Variants in CSNK2A2IP observed in about 807,000 individuals in gnomAD.
The protein encoded by CSNK2A2IP is casein kinase II subunit alpha'-interacting protein.
At chr3:88,464,871 G>A in the CSNK2A2IP span, among the ~76,000 whole-genome samples, 1 of 152,216 alleles carries the variant, frequency 6.6e-6, no homozygotes, top group East Asian at 1.9e-4. Context: ...AGCCCAATAA[G>A]TTAAATATCA....
At chr3:88,424,950 C>A in the CSNK2A2IP span, among the ~76,000 whole-genome samples, 1 of 151,964 alleles carries the variant, frequency 6.6e-6, no homozygotes, top group South Asian at 2.1e-4. Context: ...GACAGAACTG[C>A]AGATTTTGGT....
the CSNK2A2IP span, among the ~76,000 whole-genome samples, chr3:88,391,750 T>C: frequency 1.3e-5 from 2 of 152,196 alleles, no homozygotes; most frequent in African/African-American, 4.8e-5. Context: ...GGGAACTAAC[T>C]GCATTTGATG....
At chr3:88,463,156 A>G in the CSNK2A2IP span, among the ~76,000 whole-genome samples, 1 of 152,310 alleles carries the variant, frequency 6.6e-6, no homozygotes, top group Middle Eastern at 3.4e-3. Context: ...TTGGTAAGTC[A>G]TGGAAACACA....
chr3:88,356,470 G>C, the CSNK2A2IP span, among the ~76,000 whole-genome samples: 1 of 151,872 alleles, frequency 6.6e-6, no homozygotes, highest in African/African-American at 2.4e-5. Flanking sequence ...TGGTGTATTT[G>C]TACCACATTT....
the CSNK2A2IP span, among the ~76,000 whole-genome samples, chr3:88,392,303 C>T: frequency 2.6e-5 from 4 of 152,068 alleles, no homozygotes; most frequent in Admixed American, 6.6e-5. Context: ...GGAGAGAATT[C>T]AGGAGATATA....
At chr3:88,353,802 G>A in the CSNK2A2IP span, among the ~76,000 whole-genome samples, 18 of 152,146 alleles carry the variant, frequency 1.2e-4, no homozygotes, top group Non-Finnish European at 1.6e-4. Flanking sequence ...GAGTCAGAGA[G>A]CCTTGAGTTG....
At chr3:88,462,288 A>G in the CSNK2A2IP span, among the ~76,000 whole-genome samples, 2 of 152,022 alleles carry the variant, frequency 1.3e-5, no homozygotes, top group Admixed American at 1.3e-4. Flanking sequence ...CAAATCCATT[A>G]AGTTATTTCA....
chr3:88,399,022 A>T, the CSNK2A2IP span, among the ~76,000 whole-genome samples: 3 of 152,202 alleles, frequency 2.0e-5, no homozygotes, highest in Admixed American at 2.0e-4. Context: ...TCAGATGCAC[A>T]TAAGGAGGTC....
the CSNK2A2IP span, among the ~76,000 whole-genome samples, chr3:88,363,464 T>C: frequency 2.6e-5 from 4 of 152,216 alleles, no homozygotes; most frequent in Non-Finnish European, 4.4e-5. Context: ...AACCATTTTA[T>C]TACTTTCTGC....
chr3:88,367,491 TA>T, the CSNK2A2IP span, among the ~76,000 whole-genome samples: 3 of 152,042 alleles, frequency 2.0e-5, no homozygotes, highest in South Asian at 2.1e-4. Flanking sequence ...GTAATTAAGA[TA>T]AAAAAAGATT....
the CSNK2A2IP span, among the ~76,000 whole-genome samples, chr3:88,345,320 A>T: frequency 6.6e-6 from 1 of 151,996 alleles, no homozygotes; most frequent in African/African-American, 2.4e-5. Flanking sequence ...TTCTAAAATC[A>T]CAGGGTTTCC....
At chr3:88,380,534 A>C in the CSNK2A2IP span, among the ~76,000 whole-genome samples, 3 of 151,870 alleles carry the variant, frequency 2.0e-5, no homozygotes, top group African/African-American at 7.2e-5. Flanking sequence ...GATCGGTAGA[A>C]ATTTTAGAAA....
the CSNK2A2IP span, among the ~76,000 whole-genome samples, chr3:88,427,313 C>T: frequency 1.3e-4 from 20 of 152,090 alleles, no homozygotes; most frequent in African/African-American, 3.9e-4. Flanking sequence ...AGCTGCAAAG[C>T]GTTCAAGAGG....
chr3:88,351,112 C>T, the CSNK2A2IP span, among the ~76,000 whole-genome samples: 1 of 152,142 alleles, frequency 6.6e-6, no homozygotes, highest in Admixed American at 6.6e-5. Flanking sequence ...AGTTAATTCT[C>T]TAATATTAGA....
At chr3:88,423,758 T>A in the CSNK2A2IP span, among the ~76,000 whole-genome samples, 1 of 152,034 alleles carries the variant, frequency 6.6e-6, no homozygotes, top group African/African-American at 2.4e-5. Context: ...AGATAGAAGG[T>A]GGATTTTGTT....
chr3:88,360,379 C>T, the CSNK2A2IP span, among the ~76,000 whole-genome samples: 93 of 152,204 alleles, frequency 6.1e-4, no homozygotes, highest in African/African-American at 1.9e-3. Context: ...GTGATCCACC[C>T]GCCTCGGCCT....
chr3:88,402,665 T>C, the CSNK2A2IP span, among the ~76,000 whole-genome samples: 1 of 151,792 alleles, frequency 6.6e-6, no homozygotes, highest in African/African-American at 2.4e-5. Context: ...AAATAATATA[T>C]GCTATGTGTA....
At chr3:88,357,571 G>T in the CSNK2A2IP span, among the ~76,000 whole-genome samples, 1 of 151,924 alleles carries the variant, frequency 6.6e-6, no homozygotes, top group African/African-American at 2.4e-5. Context: ...GGTCTTTTGA[G>T]GTTCCACATA....
chr3:88,374,431 A>C, the CSNK2A2IP span, among the ~76,000 whole-genome samples: 1 of 151,664 alleles, frequency 6.6e-6, no homozygotes, highest in Non-Finnish European at 1.5e-5. Context: ...CAACATACAA[A>C]CAAATTTTAC....
Sources: allele counts gnomAD v4.1 joint callset (sites outside exome capture counted in the v4.1 genomes callset), GRCh38; gene constraint gnomAD v4.1.1; transcripts MANE v1.5; gene names NCBI Gene and HGNC (gene_info 2026-07-23, HGNC 2026-07-21).